ANK1: variants seen among roughly 807,000 people sequenced by gnomAD.
ANK1 encodes ankyrin 1, also known as ankyrin-1.
Under a neutral mutation model 210.4 loss-of-function variants are expected in ANK1, and 51 were observed. The observed-to-expected ratio is 0.24, with a 90% CI of 0.19 to 0.31. ANK1 has a LOEUF of 0.31. Among genes scored for constraint, ANK1 ranks in the 10% least tolerant of loss-of-function variants. The pLI, the probability that ANK1 is intolerant of heterozygous loss-of-function variation, is 1.00. For missense variants in ANK1, 2,051 were observed against 2,504.4 expected (o/e 0.82, Z 3.86); for synonymous variants, 967 against 1,025.9 (o/e 0.94, Z 1.10).
chr8:41,828,733 G>T (rs1382023999), intron 1 of ANK1: 2 of 152,558 alleles, frequency 1.3e-5, no homozygotes, highest in African/African-American at 4.8e-5. Flanking sequence ...CCTCGCGCCC[G>T]CTCCAGAGTC....
At chr8:41,806,149 C>G (rs1019129917) in intron 1 of ANK1, among the ~76,000 whole-genome samples, 1 of 152,194 alleles carries the variant, frequency 6.6e-6, no homozygotes, top group East Asian at 1.9e-4. Context: ...GGTCCCCAGG[C>G]TACACTTTGA....
At chr8:41,723,039 G>T in intron 9 of ANK1, 86 bp downstream of exon 9, 1 of 1,251,632 alleles carries the variant, frequency 8.0e-7, no homozygotes, top group Non-Finnish European at 1.2e-6. Context: ...TAGCATCTCT[G>T]TTTTACAGAA....
At chr8:41,787,503 C>T (rs939802997) in intron 1 of ANK1, among the ~76,000 whole-genome samples, 18 of 152,024 alleles carry the variant, frequency 1.2e-4, no homozygotes, top group African/African-American at 1.7e-4. Flanking sequence ...AACTGGAAAA[C>T]GTGTGGTATC....
chr8:41,719,529 C>T lies in ANK1; in HGVS notation c.1107+132G>A, dbSNP rs1043223213. 13 of 1,187,410 alleles carry T rather than the reference C, an allele frequency of 1.1e-5. No individual in the cohort carries two copies. The African/African-American group carries it at 1.9e-4, about 18-fold the overall frequency. The allele number at this position is 1,187,410 out of a possible 1,614,324, so 73.6% of individuals were successfully genotyped here. A position where few individuals can be genotyped will look rare whatever the true frequency, so the allele number is the denominator to read the frequency against. ...CCCACCATCCAGTGCTGTCACACCC[C>T]ACTGCTCAGGCCTCGAATCTGGGGA... On this transcript the variant is annotated intron_variant, in intron 10 of 42. Transcript: ENST00000289734.
chr8:41,822,604 A>G (rs367945610), intron 1 of ANK1, among the ~76,000 whole-genome samples: 2 of 152,250 alleles, frequency 1.3e-5, no homozygotes, highest in African/African-American at 4.8e-5. Flanking sequence ...GATACACAGA[A>G]GCTCTAATGA....
chr8:41,717,681 C>T lies in ANK1; in HGVS notation c.1228G>A (p.Val410Met), dbSNP rs1266498510. 9.7e-6 allele frequency: 15 copies of T among 1,551,538 alleles called. No homozygotes were observed. The highest frequency in any genetic ancestry group is 3.3e-4 in the Middle Eastern group (2 of 6,012). Residue 410 changes from valine to methionine, a missense_variant, in exon 12 of 43, where the codon GTG becomes ATG. Val to Met is a conservative substitution (Grantham distance 21). Transcript: ENST00000289734. ...VTESGLTPLHVASFMGHLPIV... is the reference protein window; with the variant it reads ...VTESGLTPLHMASFMGHLPIV... ...GGAAGGTGCCCCATGAAGGAGGCCA[C>T]GTGGAGAGGTGTCAGGCCAGACTGA... is the stretch of plus-strand genomic sequence containing the variant.
chr8:41,862,853 A>C (rs921767633), intron 1 of ANK1, among the ~76,000 whole-genome samples: 1 of 151,496 alleles, frequency 6.6e-6, no homozygotes, highest in Non-Finnish European at 1.5e-5. Flanking sequence ...TCTATAAAAA[A>C]TTCTTTAAAA....
intron 17 of ANK1, among the ~76,000 whole-genome samples, chr8:41,707,466 CCA>C (rs1824906751): frequency 6.6e-6 from 1 of 152,200 alleles, no homozygotes; most frequent in Non-Finnish European, 1.5e-5. Flanking sequence ...TGATGCCCCA[CCA>C]CACACTGCTG....
At chr8:41,662,831 A>G (rs1197092229) in intron 40 of ANK1, among the ~76,000 whole-genome samples, 1 of 151,774 alleles carries the variant, frequency 6.6e-6, no homozygotes, top group East Asian at 1.9e-4. Context: ...TTTTACCCAT[A>G]GCTAGCACCG....
chr8:41,860,860 C>T (rs1327268842), intron 1 of ANK1, among the ~76,000 whole-genome samples: 1 of 152,218 alleles, frequency 6.6e-6, no homozygotes, highest in Non-Finnish European at 1.5e-5. Context: ...GTGCCTGGAG[C>T]ACCATCCAGG....
At chr8:41,792,390 A>G (rs1281880310) in intron 1 of ANK1, among the ~76,000 whole-genome samples, 2 of 152,190 alleles carry the variant, frequency 1.3e-5, no homozygotes, top group East Asian at 3.8e-4. Context: ...TTTATTTTCC[A>G]GACCTTCCCG....
At chr8:41,857,905 AAAATAAATAAAT>A (rs112696006) in intron 1 of ANK1, among the ~76,000 whole-genome samples, 3 of 150,960 alleles carry the variant, frequency 2.0e-5, no homozygotes, top group Middle Eastern at 3.4e-3. Context: ...CTCCATCTCA[AAAATAAATAAAT>A]AAATAAATAA....
intron 7 of ANK1, among the ~76,000 whole-genome samples, chr8:41,724,036 T>C (rs1225449961): frequency 6.6e-6 from 1 of 151,760 alleles, no homozygotes; most frequent in Non-Finnish European, 1.5e-5. Context: ...GATCCGCCCG[T>C]CTCGGCCTCC....
At chr8:41,745,038 A>C (rs1835750732) in intron 2 of ANK1, among the ~76,000 whole-genome samples, 1 of 152,148 alleles carries the variant, frequency 6.6e-6, no homozygotes, top group Non-Finnish European at 1.5e-5. Flanking sequence ...AGATTTCTGA[A>C]CCAGAGAAAG....
intron 1 of ANK1, among the ~76,000 whole-genome samples, chr8:41,885,164 T>C (rs1818253568): frequency 6.6e-6 from 1 of 152,150 alleles, no homozygotes; most frequent in Non-Finnish European, 1.5e-5. Flanking sequence ...GCAGTGAGGA[T>C]GGTGAGTTCA....
Position 41,714,218 on chromosome 8 carries a change from T to C in ANK1, c.1738A>G (p.Asn580Asp). The C allele has an allele frequency of 6.5e-7, 1 of 1,532,870 alleles. No homozygotes were observed. Among genetic ancestry groups the C allele is most frequent in the South Asian group, 1.3e-5 (1 of 77,888 alleles). The allele number at this position is 1,532,870 out of a possible 1,614,324, so 95.0% of individuals were successfully genotyped here. The change falls in exon 16 of 43, where the codon AAC becomes GAC. Residue 580 changes from asparagine (N) to aspartate (D), a missense_variant. This residue lies in a region of ANK1 where 1,413 missense variants were observed against 1,707.4 expected (regional missense o/e 0.83). Coordinates refer to ENST00000289734, the MANE Select transcript of ANK1 (RefSeq NM_000037.4). ...LTPLHVAVHH[N>D]NLDIVKLLLP... Reference sequence around the variant, plus strand: ...AGCAGCTTGACGATGTCCAGGTTGTTGTGATGGACGGCCACGTGCAGGGGG... The same window carrying C: ...AGCAGCTTGACGATGTCCAGGTTGTCGTGATGGACGGCCACGTGCAGGGGG...
At chr8:41,784,204 C>T (rs574367265) in intron 1 of ANK1, among the ~76,000 whole-genome samples, 7 of 152,254 alleles carry the variant, frequency 4.6e-5, no homozygotes, top group African/African-American at 1.2e-4. Flanking sequence ...TCACTCTGAC[C>T]GAGCTTTGAA....
At chr8:41,769,875 T>C (rs763670958) in intron 1 of ANK1, among the ~76,000 whole-genome samples, 1 of 151,960 alleles carries the variant, frequency 6.6e-6, no homozygotes, top group Non-Finnish European at 1.5e-5. Flanking sequence ...AAATTTTTTG[T>C]AGAGAAGGGG....
chr8:41,663,140 GTATT>G (rs1034571939), intron 40 of ANK1, among the ~76,000 whole-genome samples: 16 of 150,972 alleles, frequency 1.1e-4, no homozygotes, highest in Non-Finnish European at 2.2e-4. Context: ...GTGTGTGTGT[GTATT>G]TATTTATTTT....
Sources: allele counts gnomAD v4.1 joint callset (sites outside exome capture counted in the v4.1 genomes callset), GRCh38; gene constraint gnomAD v4.1.1; regional missense constraint gnomAD v4.1.1; transcripts MANE v1.5; gene names NCBI Gene and HGNC (gene_info 2026-07-23, HGNC 2026-07-21).